STRBP: variants seen among roughly 807,000 people sequenced by gnomAD.
STRBP encodes the protein spermatid perinuclear RNA binding protein, also known as spermatid perinuclear RNA-binding protein.
A neutral mutation model predicts 80.1 loss-of-function variants in STRBP; 13 were observed. The ratio of observed to expected loss-of-function variants is 0.16; its 90% CI spans 0.11 to 0.26. The LOEUF (loss-of-function observed/expected upper bound fraction) is 0.26. Ranked by LOEUF, STRBP falls within the 10% of genes least tolerant of loss-of-function variation. The probability of loss-of-function intolerance (pLI) is 1.00; values close to 1 mark genes in which losing one functional copy is unlikely to be tolerated. For synonymous variants in STRBP, 284 were observed against 291.2 expected (o/e 0.98, Z 0.25); for missense variants, 485 against 815.2 (o/e 0.59, Z 4.93).
At chr9:123,158,261 T>G in intron 10 of STRBP, 71 bp downstream of exon 10, 1 of 1,562,672 alleles carries the variant, frequency 6.4e-7, no homozygotes, top group Non-Finnish European at 8.8e-7. Flanking sequence ...AAAAAAGTGT[T>G]TGAACACAAT....
At position 123,125,534 on chromosome 9, in the gene STRBP, T is replaced by G. The variant is rs549275237; in HGVS notation, c.*63A>C. 3,119 of 1,451,502 alleles carry G rather than the reference T, an allele frequency of 2.1e-3. 112 individuals carry two copies. The South Asian group carries it at 0.049, about 23-fold the overall frequency. 89.9% of individuals were successfully genotyped at this position (1,451,502 alleles called of 1,614,324 possible). ...TCAAAGAAAGCAGGATAAAAAGGCT[T>G]TTTCTCTAACATTCTGTGTTGTACT... On this transcript the variant is annotated 3_prime_UTR_variant, in exon 19 of 19. Transcript: ENST00000348403.
intron 11 of STRBP, among the ~76,000 whole-genome samples, chr9:123,150,010 G>A (rs979382952): frequency 1.3e-5 from 2 of 152,084 alleles, no homozygotes; most frequent in Non-Finnish European, 2.9e-5. Flanking sequence ...TTTATATGTC[G>A]TGCTCAGCAG....
chr9:123,111,673 T>C, intron 3 of STRBP: 1 of 466,396 alleles, frequency 2.1e-6, no homozygotes, highest in Non-Finnish European at 4.4e-6. Flanking sequence ...CACCTGGCAC[T>C]GCAGCCAGGG....
chr9:123,198,128 C>T (rs1201197099), intron 2 of STRBP, among the ~76,000 whole-genome samples: 1 of 151,810 alleles, frequency 6.6e-6, no homozygotes, highest in South Asian at 2.1e-4. Flanking sequence ...CTATTCATGT[C>T]TTTTGCCTAC....
chr9:123,266,541 G>A (rs563806090), intron 1 of STRBP, among the ~76,000 whole-genome samples: 4 of 151,510 alleles, frequency 2.6e-5, no homozygotes, highest in South Asian at 2.1e-4. Context: ...GACTCTCAGT[G>A]ACCTAAAAAT....
intron 7 of STRBP, 35 bp downstream of exon 7, chr9:123,160,942 C>T: frequency 6.5e-7 from 1 of 1,546,688 alleles, no homozygotes; most frequent in Non-Finnish European, 8.7e-7. Flanking sequence ...CTTGGACAAA[C>T]TTTAATAACA....
At chr9:123,209,123 A>C (rs2132528540) in intron 2 of STRBP, among the ~76,000 whole-genome samples, 1 of 152,304 alleles carries the variant, frequency 6.6e-6, no homozygotes, top group South Asian at 2.1e-4. Flanking sequence ...TATTCTGTTA[A>C]GTTTCATAAT....
rs952398605 is a variant in STRBP at position 123,236,973 on chromosome 9, A to C, written c.-301-7T>G. 13 of 152,182 alleles carry C rather than the reference A, an allele frequency of 8.5e-5. No homozygotes were observed. Among genetic ancestry groups the C allele is most frequent in the African/African-American group, 3.1e-4 (13 of 41,410 alleles). The allele number at this position is 152,182 out of a possible 1,614,324, so 9.4% of individuals were successfully genotyped here. On this transcript the variant is annotated splice_polypyrimidine_tract_variant and splice_region_variant and intron_variant, in intron 1 of 18. Coordinates refer to ENST00000348403, the MANE Select transcript of STRBP (RefSeq NM_018387.5). ...ACATGGCAAAACCCCGTCTCTACTA[A>C]AAATACAAAAATTAGCTGGGCGTGG...
chr9:123,178,104 T>C (rs911774817), intron 4 of STRBP, among the ~76,000 whole-genome samples: 1 of 152,190 alleles, frequency 6.6e-6, no homozygotes, highest in Admixed American at 6.5e-5. Context: ...GACACACTGA[T>C]TATCTTTGAT....
In STRBP at chr9:123,136,963, A is replaced by C. The variant is rs576423992; in HGVS notation, c.1498-448T>G. 8.2e-4 allele frequency among the ~76,000 whole-genome samples: 125 copies of C among 152,344 alleles called. No homozygotes were observed. The highest frequency in any genetic ancestry group is 2.8e-3 in the African/African-American group (117 of 41,564). On this transcript the variant is annotated intron_variant, in intron 14 of 18. Coordinates refer to ENST00000348403, the MANE Select transcript of STRBP (RefSeq NM_018387.5). This position sits in a 1 kb window ranked among gnomAD's most constrained non-coding sequence, Gnocchi z 4.2. ...GGGTAAATGTTCCCATACACCTCTC[A>C]GTCACTCTAAACAGATTTAAGGGGA...
chr9:123,217,060 C>T (rs1223661920), intron 2 of STRBP, among the ~76,000 whole-genome samples: 1 of 152,122 alleles, frequency 6.6e-6, no homozygotes, highest in Non-Finnish European at 1.5e-5. Flanking sequence ...AAATTGAGTT[C>T]CGATGTCAGG....
At chr9:123,173,551 C>T (rs939022863) in intron 5 of STRBP, 126 bp downstream of exon 5, 2 of 917,212 alleles carry the variant, frequency 2.2e-6, no homozygotes, top group African/African-American at 3.4e-5. Flanking sequence ...CCCAGAGTAG[C>T]AGTACTCATT....
chr9:123,128,965 C>T (rs1391973561), intron 17 of STRBP, among the ~76,000 whole-genome samples: 2 of 152,156 alleles, frequency 1.3e-5, no homozygotes, highest in Non-Finnish European at 2.9e-5. Flanking sequence ...GTTTTTATAC[C>T]ATATTAGTAG....
Position 123,247,368 on chromosome 9 carries a change from A to G in STRBP, c.-301-10402T>C, listed in dbSNP as rs1270449040. On this transcript the variant is annotated intron_variant, in intron 1 of 18. Transcript: ENST00000348403. The stretch of plus-strand genomic sequence containing the variant: ...CTGCAACCTCCACCTCCCGCGATCA[A>G]AAGATTCTCCTGCCTCAGCCTCCTG... Among the ~76,000 whole-genome samples the G allele has an allele frequency of 2.0e-5, 3 of 152,104 alleles. No individual in the cohort carries two copies. The East Asian group carries it at 5.8e-4, about 29-fold the overall frequency.
intron 6 of STRBP, among the ~76,000 whole-genome samples, chr9:123,169,361 G>A (rs1448890348): frequency 2.6e-5 from 4 of 151,932 alleles, no homozygotes; most frequent in South Asian, 4.2e-4. Context: ...AGTAGAGACG[G>A]GGTTTTGCCA....
chr9:123,185,125 T>C (rs1388716977), intron 2 of STRBP, among the ~76,000 whole-genome samples: 1 of 151,810 alleles, frequency 6.6e-6, no homozygotes, highest in Non-Finnish European at 1.5e-5. Flanking sequence ...AACATCAAAA[T>C]ACAGCACATG....
chr9:123,224,380 A>G (rs1018784518), intron 2 of STRBP, among the ~76,000 whole-genome samples: 2 of 152,196 alleles, frequency 1.3e-5, no homozygotes, highest in Non-Finnish European at 2.9e-5. Flanking sequence ...AGGGCTACCT[A>G]TTACCTCCTG....
At chr9:123,130,364 A>G (rs1459571118) in intron 17 of STRBP, among the ~76,000 whole-genome samples, 3 of 152,200 alleles carry the variant, frequency 2.0e-5, no homozygotes, top group Non-Finnish European at 2.9e-5. Context: ...TCATTTTTAA[A>G]AGCTTCGGGA....
At chr9:123,112,303 G>C (rs1305502214) in intron 3 of STRBP, 1 of 167,198 alleles carries the variant, frequency 6.0e-6, no homozygotes, top group Non-Finnish European at 1.5e-5. Context: ...CCTCTTCTCC[G>C]AGCTGCATGT....
Sources: allele counts gnomAD v4.1 joint callset (sites outside exome capture counted in the v4.1 genomes callset), GRCh38; gene constraint gnomAD v4.1.1; non-coding constraint Gnocchi (gnomAD v3.1); transcripts MANE v1.5; gene names NCBI Gene and HGNC (gene_info 2026-07-23, HGNC 2026-07-21).